COMMD3: variants seen among roughly 807,000 people sequenced by gnomAD.
The protein encoded by COMMD3 is COMM domain-containing protein 3.
COMMD3 carries 31 observed loss-of-function variants against 31.2 expected under a neutral mutation model. The ratio of observed to expected loss-of-function variants is 0.99; its 90% CI spans 0.75 to 1.34. The LOEUF is 1.34. Among genes scored for constraint, COMMD3 ranks in the 40% most tolerant of loss-of-function variants. The pLI is 0.00. For synonymous variants in COMMD3, 108 were observed against 87.3 expected, an observed-to-expected ratio of 1.24 and a Z score of -1.32; for missense variants, 274 against 236.9, an observed-to-expected ratio of 1.16 and a Z score of -1.03.
chr10:22,317,882 A>G lies in COMMD3; in HGVS notation c.140-2A>G. ...GCATCACTGGAAGTTAATTTATTTT[A>G]GATCATCCAGACTTGAAACATATCG... On this transcript the variant is annotated splice_acceptor_variant, in intron 1 of 7. Coordinates refer to ENST00000376836, the MANE Select transcript of COMMD3 (RefSeq NM_012071.4). LOFTEE classifies it high-confidence loss of function. 1 of 1,613,130 alleles carries G rather than the reference A, an allele frequency of 6.2e-7. No homozygotes were observed.
intron 6 of COMMD3, 40 bp downstream of exon 6, chr10:22,318,902 A>C (rs559222167): frequency 6.2e-7 from 1 of 1,611,430 alleles, no homozygotes; most frequent in African/African-American, 1.3e-5. Flanking sequence ...GAAATTTATA[A>C]TTTCATTGAT....
rs1186373447 is a variant in COMMD3, at chr10:22,316,428, C to T, written c.11C>T (p.Ser4Leu). 9 of 1,545,120 alleles carry T rather than the reference C, an allele frequency of 5.8e-6. No individual in the cohort carries two copies. The highest frequency in any genetic ancestry group is 7.9e-6 in the Non-Finnish European group (9 of 1,143,516). ...CACGGCGCGCTCACAATGGAGCTCTCGGAGTCTGTGCAGAAAGGCTTCCAG... is the reference window on the plus strand; with the variant it reads ...CACGGCGCGCTCACAATGGAGCTCTTGGAGTCTGTGCAGAAAGGCTTCCAG... MEL[S>L]ESVQKGFQML... Residue 4 changes from serine (S) to leucine (L), a missense_variant, in exon 1 of 8, where the codon TCG (serine) becomes TTG (leucine). Coordinates refer to ENST00000376836, the MANE Select transcript of COMMD3 (RefSeq NM_012071.4).
intron 6 of COMMD3, 46 bp from the exon 7 acceptor site, chr10:22,318,913 T>A (rs771187471): frequency 6.2e-7 from 1 of 1,611,894 alleles, no homozygotes; most frequent in Non-Finnish European, 8.5e-7. Context: ...TTTCATTGAT[T>A]TAAATAAACA....
Position 22,319,029 on chromosome 10 carries a change from A to C in COMMD3, c.528+11A>C, listed in dbSNP as rs768526520. On this transcript the variant is annotated intron_variant, in intron 7 of 7. Transcript: ENST00000376836. ...ATGGAACAATTACAGGTACAGTATTAGGATCTATAAATATTCCTGTCTTTT... is the reference window on the plus strand; with the variant it reads ...ATGGAACAATTACAGGTACAGTATTCGGATCTATAAATATTCCTGTCTTTT... 6 of 1,586,004 alleles carry C rather than the reference A, an allele frequency of 3.8e-6. No homozygotes were observed. Among genetic ancestry groups the C allele is most frequent in the Non-Finnish European group, 4.3e-6 (5 of 1,170,112 alleles).
chr10:22,317,385 C>T (rs1835871300), intron 1 of COMMD3: 1 of 151,928 alleles, frequency 6.6e-6, no homozygotes, highest in South Asian at 2.1e-4. Context: ...AAAAAAATGA[C>T]TGTCAAACCC....
At chr10:22,316,861 A>G (rs1835860138) in intron 1 of COMMD3, 4 of 232,434 alleles carry the variant, frequency 1.7e-5, no homozygotes, top group Non-Finnish European at 2.5e-5. Context: ...CTAAACATCT[A>G]AGGTGTTTAG....
In COMMD3 at chr10:22,320,242, C is replaced by G. The variant is rs1835941841; in HGVS notation, c.*244C>G. On this transcript the variant is annotated 3_prime_UTR_variant, in exon 8 of 8. Coordinates refer to ENST00000376836, the MANE Select transcript of COMMD3 (RefSeq NM_012071.4). The stretch of plus-strand genomic sequence containing the variant: ...CCATTTATCCTATTTTGATCTTTTT[C>G]AAGTCTTCTGAAAGGAAGTAGACAG... 5.5e-6 allele frequency: 6 copies of G among 1,082,946 alleles called. No homozygotes were observed. The highest frequency in any genetic ancestry group is 6.3e-6 in the Non-Finnish European group (5 of 792,990). 67.1% of individuals were successfully genotyped at this position (1,082,946 alleles called of 1,614,324 possible).
In COMMD3 at chr10:22,320,008, G is replaced by T. The variant is rs10146; in HGVS notation, c.*10G>T. 6.2e-7 allele frequency: 1 copy of T among 1,614,142 alleles called. No individual in the cohort carries two copies. The highest frequency in any genetic ancestry group is 8.5e-7 in the Non-Finnish European group (1 of 1,180,002). On this transcript the variant is annotated 3_prime_UTR_variant, in exon 8 of 8. Transcript: ENST00000376836. Reference sequence around the variant, plus strand: ...AGCAACTCAGTTGTAACTTGGGGAAGTTAACGATCCGCCCGAGTGCAGAGG... The same window carrying T: ...AGCAACTCAGTTGTAACTTGGGGAATTTAACGATCCGCCCGAGTGCAGAGG...
chr10:22,317,780 A>T, intron 1 of COMMD3, 104 bp from the exon 2 acceptor site: 2 of 1,176,974 alleles, frequency 1.7e-6, no homozygotes, highest in Non-Finnish European at 2.4e-6. Flanking sequence ...TGATGTTTTT[A>T]ATCTTGTTAA....
rs764999914 is a variant in COMMD3, at chr10:22,319,994, TG to T, written c.585del (p.Leu195PhefsTer23). 3.7e-6 allele frequency: 6 copies of T among 1,614,058 alleles called. No homozygotes were observed. In the South Asian group the frequency reaches 5.5e-5, roughly 15 times the overall value. On this transcript the variant is annotated frameshift_variant, in exon 8 of 8. Transcript: ENST00000376836. LOFTEE classifies it high-confidence loss of function. ...ASKSLERATQ[L>X] ...AAAAGCCTGGAAAGAGCAACTCAGT[TG>T]TAACTTGGGGAAGTTAACGATCCGC...
chr10:22,317,349 TAAC>T (rs1432508204), intron 1 of COMMD3: 4 of 152,028 alleles, frequency 2.6e-5, no homozygotes, highest in Non-Finnish European at 5.9e-5. Context: ...ACGAAAATAG[TAAC>T]CACCACCTGG....
chr10:22,319,682 C>A, intron 7 of COMMD3: 4 of 327,012 alleles, frequency 1.2e-5, no homozygotes, highest in Admixed American at 4.3e-5. Context: ...TGAGAAAATT[C>A]AGATGTATCT....
intron 1 of COMMD3, 172 bp downstream of exon 1, chr10:22,316,728 ACT>A: frequency 3.3e-6 from 4 of 1,219,108 alleles, no homozygotes; most frequent in Non-Finnish European, 4.3e-6. Context: ...CTCGGAGCAG[ACT>A]CTGAGCATTG....
At chr10:22,319,506 C>G (rs1835918899) in intron 7 of COMMD3, 1 of 169,080 alleles carries the variant, frequency 5.9e-6, no homozygotes, top group African/African-American at 2.4e-5. Flanking sequence ...GTGGATATGA[C>G]AACGAATTTA....
chr10:22,317,896 TGAAACATATC>T lies in COMMD3; in HGVS notation c.155_164del (p.Lys52ThrfsTer5). The T allele has an allele frequency of 6.2e-7, 1 of 1,613,912 alleles. No homozygotes were observed. The highest frequency in any genetic ancestry group is 8.5e-7 in the Non-Finnish European group (1 of 1,179,896). ...TAATTTATTTTAGATCATCCAGACTTGAAACATATCGACCCAGTGGTTTTAAAACATTGTC... is the reference window on the plus strand; with the variant it reads ...TAATTTATTTTAGATCATCCAGACTTGACCCAGTGGTTTTAAAACATTGTC... On this transcript the variant is annotated frameshift_variant, in exon 2 of 8. Transcript: ENST00000376836. LOFTEE classifies it high-confidence loss of function.
intron 7 of COMMD3, chr10:22,319,273 TA>T: frequency 2.8e-6 from 1 of 354,372 alleles, no homozygotes; most frequent in East Asian, 4.5e-5. Context: ...CTGTAGTGTT[TA>T]GTGTAAATTT....
chr10:22,317,798 T>C, intron 1 of COMMD3, 86 bp from the exon 2 acceptor site: 1 of 1,481,040 alleles, frequency 6.8e-7, no homozygotes, highest in East Asian at 2.3e-5. Flanking sequence ...TAAAGGGTTT[T>C]TAAACCCAAA....
intron 7 of COMMD3, 182 bp from the exon 8 acceptor site, chr10:22,319,757 G>A: frequency 1.6e-6 from 1 of 643,948 alleles, no homozygotes; most frequent in Non-Finnish European, 2.6e-6. Context: ...ATTTGAACAT[G>A]AGGTATTTCC....
chr10:22,318,676 T>A lies in COMMD3; in HGVS notation c.374T>A (p.Ile125Lys), dbSNP rs138257852. 2.5e-6 allele frequency: 4 copies of A among 1,613,430 alleles called. No individual in the cohort carries two copies. Among genetic ancestry groups the A allele is most frequent in the Non-Finnish European group, 3.4e-6 (4 of 1,179,480 alleles). The change falls in exon 5 of 8, where the codon ATA becomes AAA. Residue 125 changes from isoleucine (I) to lysine (K), a missense_variant. Ile to Lys is a moderately radical substitution (Grantham distance 102, BLOSUM62 -3). Coordinates refer to ENST00000376836, the MANE Select transcript of COMMD3 (RefSeq NM_012071.4). Reference sequence around the variant, plus strand: ...AGTATAGGCAGATCTCTCCCTCATATAACGGATGTTTCTTGGCGCTTGGAA... The same window carrying A: ...AGTATAGGCAGATCTCTCCCTCATAAAACGGATGTTTCTTGGCGCTTGGAA... Reference protein sequence around the residue: ...LGSIGRSLPHITDVSWRLEYQ... With the variant: ...LGSIGRSLPHKTDVSWRLEYQ...
Sources: allele counts gnomAD v4.1 joint callset, GRCh38; gene constraint gnomAD v4.1.1; transcripts MANE v1.5; gene names NCBI Gene and HGNC (gene_info 2026-07-23, HGNC 2026-07-21).